Variants in NTM observed in about 807,000 individuals in gnomAD.
The protein encoded by NTM is neurotrimin.
A neutral mutation model predicts 42.1 loss-of-function variants in NTM; 13 were observed. The observed-to-expected ratio is 0.31, with a 90% confidence interval of 0.20 to 0.49. NTM has a LOEUF of 0.49. Among genes scored for constraint, NTM ranks in the 20% least tolerant of loss-of-function variants. The pLI, the probability that NTM is intolerant of heterozygous loss-of-function variation, is 0.99. For synonymous variants in NTM, 187 were observed against 179.2 expected, an observed-to-expected ratio of 1.04 and a Z score of -0.35; for missense variants, 373 against 452.8, an observed-to-expected ratio of 0.82 and a Z score of 1.60.
chr11:131,949,949 AATT>A (rs1364832822), intron 2 of NTM, among the ~76,000 whole-genome samples: 1 of 152,124 alleles, frequency 6.6e-6, no homozygotes, highest in African/African-American at 2.4e-5. Flanking sequence ...TACTATTTAT[AATT>A]ATTCTGTTAT....
chr11:131,677,857 G>A (rs1256329625), intron 1 of NTM, among the ~76,000 whole-genome samples: 1 of 152,152 alleles, frequency 6.6e-6, no homozygotes, highest in Non-Finnish European at 1.5e-5. Context: ...GCCATCCTTG[G>A]TGGCCCTATA....
intron 1 of NTM, among the ~76,000 whole-genome samples, chr11:131,435,589 T>A (rs907015465): frequency 6.6e-6 from 1 of 152,214 alleles, no homozygotes; most frequent in African/African-American, 2.4e-5. Flanking sequence ...TGGCTCTCTG[T>A]CTGTTATTGG....
intron 4 of NTM, among the ~76,000 whole-genome samples, chr11:132,292,800 A>C (rs1038040862): frequency 6.6e-6 from 1 of 150,880 alleles, no homozygotes; most frequent in African/African-American, 2.4e-5. Flanking sequence ...AAAAAAAAAA[A>C]AAAAAAAAAA....
chr11:132,121,857 T>G (rs570582601), intron 2 of NTM, among the ~76,000 whole-genome samples: 1 of 152,246 alleles, frequency 6.6e-6, no homozygotes, highest in Non-Finnish European at 1.5e-5. Flanking sequence ...CCTTTGTGCC[T>G]GGTAAATATA....
intron 4 of NTM, among the ~76,000 whole-genome samples, chr11:132,295,923 A>G (rs1421037194): frequency 1.3e-5 from 2 of 152,202 alleles, no homozygotes; most frequent in Non-Finnish European, 2.9e-5. Flanking sequence ...AGAGTAGATA[A>G]TGAGGGCCTG....
chr11:131,682,906 C>T (rs932497637), intron 1 of NTM, among the ~76,000 whole-genome samples: 2 of 152,144 alleles, frequency 1.3e-5, no homozygotes, highest in Non-Finnish European at 2.9e-5. Flanking sequence ...ATTTTACCTA[C>T]CAGCCGGGAC....
chr11:131,497,326 T>C (rs1277120244), intron 1 of NTM, among the ~76,000 whole-genome samples: 1 of 152,092 alleles, frequency 6.6e-6, no homozygotes, highest in Non-Finnish European at 1.5e-5. Flanking sequence ...GTAGCTGGGA[T>C]TACAGGCTCC....
At position 131,664,429 on chromosome 11, in the gene NTM, C is replaced by T. The variant is rs537035447; in HGVS notation, c.83-247135C>T. Among the ~76,000 whole-genome samples the T allele has an allele frequency of 5.3e-4, 80 of 152,158 alleles. 1 individual carries two copies. Among genetic ancestry groups the T allele is most frequent in the Non-Finnish European group, 8.8e-4 (60 of 68,024 alleles). On this transcript the variant is annotated intron_variant, in intron 1 of 8. Coordinates refer to ENST00000683400, the MANE Select transcript of NTM (RefSeq NM_001352005.2). ...ATGAGGTCTAGAATTTTTGCCAATA[C>T]AAGGAACAGTTTTTGGCAGCTTTCT...
intron 2 of NTM, among the ~76,000 whole-genome samples, chr11:131,987,241 G>C (rs984730194): frequency 6.6e-6 from 1 of 152,114 alleles, no homozygotes; most frequent in Non-Finnish European, 1.5e-5. Context: ...TTGCAAAGTT[G>C]TTCATACTAA....
intron 1 of NTM, chr11:131,777,067 C>T (rs886497828): frequency 2.3e-5 from 22 of 949,248 alleles, no homozygotes; most frequent in Admixed American, 6.2e-5. Flanking sequence ...TTCTGCCATA[C>T]ATAGAAAAGG....
intron 2 of NTM, among the ~76,000 whole-genome samples, chr11:132,010,502 G>T (rs755753386): frequency 3.3e-5 from 5 of 152,072 alleles, no homozygotes; most frequent in Non-Finnish European, 7.4e-5. Context: ...CTAGAAGAGT[G>T]ATTTGGTCAT....
At chr11:131,518,839 C>A (rs1165550034) in intron 1 of NTM, among the ~76,000 whole-genome samples, 3 of 152,184 alleles carry the variant, frequency 2.0e-5, no homozygotes, top group Non-Finnish European at 4.4e-5. Flanking sequence ...GGCTTAAGGA[C>A]AAATATATGG....
At chr11:132,120,211 C>G (rs1024053766) in intron 2 of NTM, among the ~76,000 whole-genome samples, 1 of 152,076 alleles carries the variant, frequency 6.6e-6, no homozygotes. Context: ...GGCTTTAAAA[C>G]TGATCAGAGC....
chr11:131,383,589 G>C (rs1181493545), intron 1 of NTM, among the ~76,000 whole-genome samples: 1 of 152,162 alleles, frequency 6.6e-6, no homozygotes, highest in African/African-American at 2.4e-5. Context: ...TGGCTAGATT[G>C]AGTGTGTTTG....
chr11:131,592,327 C>T (rs553910810), intron 1 of NTM, among the ~76,000 whole-genome samples: 4 of 152,148 alleles, frequency 2.6e-5, no homozygotes, highest in East Asian at 3.9e-4. Context: ...TCAATGTCCT[C>T]GTCTGCAAAA....
intron 2 of NTM, among the ~76,000 whole-genome samples, chr11:132,084,718 CA>C (rs777686195): frequency 1.3e-5 from 2 of 152,090 alleles, no homozygotes; most frequent in African/African-American, 2.4e-5. Flanking sequence ...CTTAGCTTTC[CA>C]AAAAATGTCT....
chr11:131,843,463 C>T (rs1449832004), intron 1 of NTM, among the ~76,000 whole-genome samples: 2 of 152,178 alleles, frequency 1.3e-5, no homozygotes, highest in Admixed American at 1.3e-4. Context: ...AGATAGACCA[C>T]CCATTCATTT....
chr11:131,937,313 A>C (rs575894804), intron 2 of NTM, among the ~76,000 whole-genome samples: 1 of 152,264 alleles, frequency 6.6e-6, no homozygotes, highest in South Asian at 2.1e-4. Flanking sequence ...TCTAGCTCTT[A>C]ATGTTTGTTA....
chr11:131,837,660 G>A (rs1167801501), intron 1 of NTM, among the ~76,000 whole-genome samples: 4 of 152,158 alleles, frequency 2.6e-5, no homozygotes, highest in African/African-American at 7.2e-5. Flanking sequence ...CCCAGGCAAA[G>A]GTTTTTCAAC....
Sources: gnomAD v4.1 joint callset for allele counts (sites outside exome capture counted in the v4.1 genomes callset) on GRCh38, gnomAD v4.1.1 for gene constraint, MANE v1.5 for transcripts, NCBI Gene and HGNC (gene_info 2026-07-23, HGNC 2026-07-21) for gene names.